HDAC9: variants seen among roughly 807,000 people sequenced by gnomAD.
HDAC9 encodes the protein MEF-2 interacting transcription repressor (MITR) protein.
Under a neutral mutation model 139.4 loss-of-function variants are expected in HDAC9, and 41 were observed. The ratio of observed to expected loss-of-function variants is 0.29; its 90% CI spans 0.23 to 0.38. The LOEUF is 0.38. HDAC9 is among the 10% of genes least tolerant of loss of function. HDAC9 has a pLI of 1.00. For synonymous variants in HDAC9, 517 were observed against 476.2 expected (o/e 1.09, Z -1.12); for missense variants, 1,147 against 1,297.0 (o/e 0.88, Z 1.78).
intron 12 of HDAC9, among the ~76,000 whole-genome samples, chr7:18,669,384 C>A (rs1209119502): frequency 1.3e-5 from 2 of 151,592 alleles, no homozygotes; most frequent in African/African-American, 2.4e-5. Context: ...AATGATCTCC[C>A]CTTATATGGT....
At chr7:18,867,337 G>T (rs550316812) in intron 21 of HDAC9, among the ~76,000 whole-genome samples, 1 of 152,126 alleles carries the variant, frequency 6.6e-6, no homozygotes, top group African/African-American at 2.4e-5. Flanking sequence ...TCCAGTACTT[G>T]GTCCCATGCC....
intron 21 of HDAC9, among the ~76,000 whole-genome samples, chr7:18,840,215 T>C (rs1796499540): frequency 6.6e-6 from 1 of 152,090 alleles, no homozygotes. Context: ...AGAAAGGTCA[T>C]AGAGCTCTTG....
At chr7:18,410,972 G>A (rs781265807) in intron 1 of HDAC9, among the ~76,000 whole-genome samples, 6 of 152,220 alleles carry the variant, frequency 3.9e-5, no homozygotes, top group Admixed American at 3.3e-4. Flanking sequence ...CGTCAAGGAA[G>A]TATTTGGGAA....
At position 18,767,018 on chromosome 7, in the gene HDAC9, C is replaced by T. The variant is rs1789885325; in HGVS notation, c.2165-88C>T. 5.4e-6 allele frequency: 3 copies of T among 550,870 alleles called. No homozygotes were observed. The East Asian group carries it at 1.0e-4, about 18-fold the overall frequency. The allele number at this position is 550,870 out of a possible 1,614,324, so 34.1% of individuals were successfully genotyped here. A position where few individuals can be genotyped will look rare whatever the true frequency, so the allele number is the denominator to read the frequency against. ...GCATCAAACGATAAATACCATGTGA[C>T]ATATTATTATGTGTTAATAAATGCC... is the stretch of plus-strand genomic sequence containing the variant. On this transcript the variant is annotated intron_variant, in intron 15 of 25. Coordinates refer to ENST00000686413, the MANE Select transcript of HDAC9 (RefSeq NM_178425.4).
intron 8 of HDAC9, among the ~76,000 whole-genome samples, chr7:18,643,736 G>C (rs1473581389): frequency 6.6e-6 from 1 of 152,054 alleles, no homozygotes; most frequent in Non-Finnish European, 1.5e-5. Context: ...CCTCTTGGAG[G>C]TGGTCTATTA....
At chr7:18,354,589 C>T (rs1165417074) in intron 1 of HDAC9, among the ~76,000 whole-genome samples, 2 of 152,060 alleles carry the variant, frequency 1.3e-5, no homozygotes, top group Non-Finnish European at 2.9e-5. Context: ...ATGCGCTGTA[C>T]GTAAGAATTA....
At chr7:18,639,484 G>T (rs910340477) in intron 8 of HDAC9, among the ~76,000 whole-genome samples, 8 of 151,554 alleles carry the variant, frequency 5.3e-5, no homozygotes, top group Non-Finnish European at 1.2e-4. Flanking sequence ...TTGTTTTTTG[G>T]TCTCACAATA....
chr7:18,865,262 C>T (rs1010169371), intron 21 of HDAC9, among the ~76,000 whole-genome samples: 3 of 152,074 alleles, frequency 2.0e-5, no homozygotes, highest in African/African-American at 7.2e-5. Context: ...GGTGTAGGAA[C>T]GTGGTACATT....
chr7:18,680,234 G>A (rs1194654044), intron 12 of HDAC9, among the ~76,000 whole-genome samples: 2 of 151,970 alleles, frequency 1.3e-5, no homozygotes, highest in African/African-American at 2.4e-5. Flanking sequence ...AGCCTACTAG[G>A]AGAGTTTTCT....
intron 1 of HDAC9, among the ~76,000 whole-genome samples, chr7:18,150,425 C>G (rs544868336): frequency 6.6e-6 from 1 of 152,224 alleles, no homozygotes; most frequent in South Asian, 2.1e-4. Flanking sequence ...TCTAGAAGCG[C>G]TTGTATTGAC....
intron 1 of HDAC9, among the ~76,000 whole-genome samples, chr7:18,427,526 A>T (rs1482237590): frequency 6.6e-6 from 1 of 151,608 alleles, no homozygotes; most frequent in Non-Finnish European, 1.5e-5. Flanking sequence ...ATCCACAATC[A>T]ATCTATCTTT....
chr7:18,592,749 G>C (rs1831352264), intron 5 of HDAC9, among the ~76,000 whole-genome samples: 1 of 151,964 alleles, frequency 6.6e-6, no homozygotes, highest in Non-Finnish European at 1.5e-5. Context: ...TATATCAGTT[G>C]ACATGAAAAA....
intron 2 of HDAC9, among the ~76,000 whole-genome samples, chr7:18,182,038 A>G (rs1313837501): frequency 6.6e-6 from 1 of 152,170 alleles, no homozygotes; most frequent in African/African-American, 2.4e-5. Flanking sequence ...GGTGGAGGAA[A>G]GGGAATCCAC....
Position 18,452,671 on chromosome 7 carries a change from G to T in HDAC9, c.-41-43591G>T, listed in dbSNP as rs560503741. On this transcript the variant is annotated intron_variant, in intron 1 of 3. Coordinates refer to the HDAC9 transcript ENST00000413509. ...GGAGGTAATTGAATCATGGGGACAG[G>T]TTTTTCCCATGCTGTTCTCATTATA... Among the ~76,000 whole-genome samples the T allele has an allele frequency of 2.6e-5, 4 of 152,212 alleles. No individual in the cohort carries two copies. The East Asian group carries it at 7.7e-4, about 29-fold the overall frequency.
intron 12 of HDAC9, among the ~76,000 whole-genome samples, chr7:18,704,177 A>C (rs1225466738): frequency 6.6e-6 from 1 of 152,200 alleles, no homozygotes; most frequent in Non-Finnish European, 1.5e-5. Flanking sequence ...CCTGCCTGCA[A>C]AACATAGCCT....
At chr7:18,446,834 A>T (rs1741512327) in intron 1 of HDAC9, among the ~76,000 whole-genome samples, 1 of 152,208 alleles carries the variant, frequency 6.6e-6, no homozygotes, top group African/African-American at 2.4e-5. Flanking sequence ...CTTTCAACAG[A>T]TTATCCACAG....
In HDAC9 at chr7:18,179,907, T is replaced by A. The variant is rs555178518; in HGVS notation, c.25+17558T>A. Among the ~76,000 whole-genome samples the A allele has an allele frequency of 7.9e-5, 12 of 152,292 alleles. No homozygotes were observed. In the South Asian group the frequency reaches 2.5e-3, roughly 32 times the overall value. ...GATCACACATAAATATGTGCTTTTT[T>A]CTCTCAACCGTGACCTGTAACTATC... is the stretch of plus-strand genomic sequence containing the variant. On this transcript the variant is annotated intron_variant, in intron 2 of 12. Coordinates refer to the HDAC9 transcript ENST00000417496.
chr7:18,951,963 G>A (rs1265881764), intron 23 of HDAC9, among the ~76,000 whole-genome samples: 3 of 151,760 alleles, frequency 2.0e-5, no homozygotes, highest in Non-Finnish European at 4.4e-5. Flanking sequence ...TCTTGCCAAC[G>A]GAGAGAATAT....
intron 2 of HDAC9, among the ~76,000 whole-genome samples, chr7:18,272,847 G>A (rs1338364309): frequency 1.3e-5 from 2 of 151,720 alleles, no homozygotes; most frequent in East Asian, 3.9e-4. Context: ...GGTCAGGAAA[G>A]AAAAGACAAA....
Sources: gnomAD v4.1 joint callset for allele counts (sites outside exome capture counted in the v4.1 genomes callset) on GRCh38, gnomAD v4.1.1 for gene constraint, MANE v1.5 for transcripts, NCBI Gene and HGNC (gene_info 2026-07-23, HGNC 2026-07-21) for gene names.